SCAMP2: variants seen among roughly 807,000 people sequenced by gnomAD.
The protein encoded by SCAMP2 is secretory carrier-associated membrane protein 2.
SCAMP2 carries 25 observed loss-of-function variants against 44.1 expected under a neutral mutation model. That is an observed-to-expected ratio of 0.57 (90% CI 0.41 to 0.79). The LOEUF (loss-of-function observed/expected upper bound fraction) is 0.79. Ranked by LOEUF, SCAMP2 falls within the 30% of genes least tolerant of loss-of-function variation. The probability of loss-of-function intolerance (pLI) is 0.00; values close to 1 mark genes in which losing one functional copy is unlikely to be tolerated. For synonymous variants in SCAMP2, 156 were observed against 166.0 expected (o/e 0.94, Z 0.46); for missense variants, 355 against 411.0 (o/e 0.86, Z 1.18).
chr15:74,865,206 C>G (rs2064534090), intron 1 of SCAMP2, among the ~76,000 whole-genome samples: 1 of 150,380 alleles, frequency 6.6e-6, no homozygotes, highest in South Asian at 2.1e-4. Context: ...CATAGTGAAA[C>G]CCCATCTCTA....
At position 74,844,991 on chromosome 15, in the gene SCAMP2, T is replaced by G; in HGVS notation, c.*92A>C. The G allele has an allele frequency of 6.9e-7, 1 of 1,455,332 alleles. No homozygotes were observed. The highest frequency in any genetic ancestry group is 9.4e-7 in the Non-Finnish European group (1 of 1,063,302). The allele number at this position is 1,455,332 out of a possible 1,614,324, so 90.2% of individuals were successfully genotyped here. A position where few individuals can be genotyped will look rare whatever the true frequency, so the allele number is the denominator to read the frequency against. The stretch of plus-strand genomic sequence containing the variant: ...GGCAAGAACCCTGCCAGGTCTGTGC[T>G]GGGCACAACCACCACCACATAAGGC... On this transcript the variant is annotated 3_prime_UTR_variant, in exon 9 of 9. Transcript: ENST00000268099.
rs746501350 is a variant in SCAMP2, at chr15:74,852,083, A to G, written c.329T>C (p.Val110Ala). 3.8e-6 allele frequency: 6 copies of G among 1,580,288 alleles called. No homozygotes were observed. Among genetic ancestry groups the G allele is most frequent in the Non-Finnish European group, 5.2e-6 (6 of 1,162,832 alleles). ...GCCTCCCTTACCATGCAAGTTGGCT[A>G]CAGTGTTCTGCAGCTCCCGCTCCTT... ...ERKERELQNT[V>A]ANLHVRQNNW... Residue 110 changes from valine (V) to alanine (A), a missense_variant, in exon 4 of 9, where the codon GTA becomes GCA. Val to Ala is a moderately conservative substitution (Grantham distance 64, BLOSUM62 0). Coordinates refer to ENST00000268099, the MANE Select transcript of SCAMP2 (RefSeq NM_005697.5).
chr15:74,849,405 G>A lies in SCAMP2; in HGVS notation c.633-704C>T, dbSNP rs377308198. ...GGAGGTTGCAGTGAGCCGAGACTGC[G>A]CCATTGCACTCCAGCCTGGGTAACA... On this transcript the variant is annotated intron_variant, in intron 6 of 8. Coordinates refer to ENST00000268099, the MANE Select transcript of SCAMP2 (RefSeq NM_005697.5). Among the ~76,000 whole-genome samples, 13 of 148,978 alleles carry A rather than the reference G, an allele frequency of 8.7e-5. No individual in the cohort carries two copies. The East Asian group carries it at 1.2e-3, about 14-fold the overall frequency.
At chr15:74,862,853 T>TACACACACACAC (rs112611741) in intron 1 of SCAMP2, among the ~76,000 whole-genome samples, 51 of 87,506 alleles carry the variant, frequency 5.8e-4, no homozygotes, top group South Asian at 7.5e-4. Flanking sequence ...AAACAAACCA[T>TACACACACACAC]ACACACACAC....
intron 3 of SCAMP2, chr15:74,852,772 G>A (rs987628728): frequency 2.6e-5 from 4 of 153,056 alleles, no homozygotes; most frequent in African/African-American, 9.6e-5. Context: ...TACACCCCAG[G>A]ACAGCCCCTT....
At chr15:74,847,428 A>G (rs1025809284) in intron 7 of SCAMP2, among the ~76,000 whole-genome samples, 5 of 152,198 alleles carry the variant, frequency 3.3e-5, no homozygotes, top group Admixed American at 2.0e-4. Context: ...ACAGGTGCAA[A>G]CGGCAGTCAT....
Position 74,844,769 on chromosome 15 carries a change from ACTGTGTGGGGGTGT to A in SCAMP2, c.*300_*313del. The A allele has an allele frequency of 8.2e-6, 2 of 242,592 alleles. No individual in the cohort carries two copies. 15.0% of individuals were successfully genotyped at this position (242,592 alleles called of 1,614,324 possible). A position where few individuals can be genotyped will look rare whatever the true frequency, so the allele number is the denominator to read the frequency against. On this transcript the variant is annotated 3_prime_UTR_variant, in exon 9 of 9. Transcript: ENST00000268099. The stretch of plus-strand genomic sequence containing the variant: ...GGGCCCAGGTCAGCCTGTGATCCCA[ACTGTGTGGGGGTGT>A]CTGTGTGTGCACAGGACGAAGAGAA...
intron 1 of SCAMP2, among the ~76,000 whole-genome samples, 181 bp from the exon 2 acceptor site, chr15:74,854,830 C>T (rs1373123389): frequency 6.6e-6 from 1 of 152,132 alleles, no homozygotes; most frequent in African/African-American, 2.4e-5. Flanking sequence ...TCCCTTCTCC[C>T]TTCCCCCTTC....
At chr15:74,857,583 T>C (rs1342244554) in intron 1 of SCAMP2, among the ~76,000 whole-genome samples, 1 of 152,112 alleles carries the variant, frequency 6.6e-6, no homozygotes, top group Admixed American at 6.6e-5. Flanking sequence ...CAAACAGACA[T>C]CTGGCCAAGG....
chr15:74,858,449 G>A (rs1007440099), intron 1 of SCAMP2, among the ~76,000 whole-genome samples: 2 of 152,066 alleles, frequency 1.3e-5, no homozygotes, highest in African/African-American at 2.4e-5. Context: ...GGCTCAGCTC[G>A]GGACCCTGGC....
intron 1 of SCAMP2, among the ~76,000 whole-genome samples, chr15:74,864,879 A>C (rs1354170337): frequency 7.1e-6 from 1 of 141,238 alleles, no homozygotes; most frequent in Non-Finnish European, 1.6e-5. Context: ...TAGAGGTCAG[A>C]AGTTTGAGAC....
chr15:74,847,141 G>C (rs570195964), intron 7 of SCAMP2, among the ~76,000 whole-genome samples: 1 of 135,250 alleles, frequency 7.4e-6, no homozygotes, highest in Admixed American at 9.2e-5. Context: ...GCCCAGGCTG[G>C]AGAACAGTGG....
chr15:74,855,769 T>C (rs1414213579), intron 1 of SCAMP2, among the ~76,000 whole-genome samples: 2 of 150,956 alleles, frequency 1.3e-5, no homozygotes, highest in Non-Finnish European at 2.9e-5. Flanking sequence ...AAAAACATGC[T>C]GCTGGCTGCC....
chr15:74,862,830 A>C (rs1189573654), intron 1 of SCAMP2, among the ~76,000 whole-genome samples: 4 of 142,648 alleles, frequency 2.8e-5, no homozygotes, highest in East Asian at 4.1e-4. Flanking sequence ...TCAAAAAAAA[A>C]AAAAAAAACA....
intron 1 of SCAMP2, among the ~76,000 whole-genome samples, chr15:74,862,720 G>T (rs1443436033): frequency 6.6e-6 from 1 of 151,370 alleles, no homozygotes; most frequent in Non-Finnish European, 1.5e-5. Context: ...TACTTGGGAG[G>T]CTGAGGCAGG....
Position 74,852,199 on chromosome 15 carries a change from G to A in SCAMP2, c.226-13C>T. The stretch of plus-strand genomic sequence containing the variant: ...CAGACACCACGGCCTGGAGAGAACA[G>A]GGGAGGTACAGGGACAGCCAGACAC... On this transcript the variant is annotated splice_polypyrimidine_tract_variant and intron_variant, in intron 3 of 8. Coordinates refer to ENST00000268099, the MANE Select transcript of SCAMP2 (RefSeq NM_005697.5). 3 of 1,485,996 alleles carry A rather than the reference G, an allele frequency of 2.0e-6. No homozygotes were observed. The South Asian group carries it at 4.0e-5, about 20-fold the overall frequency. 92.1% of individuals were successfully genotyped at this position (1,485,996 alleles called of 1,614,324 possible).
intron 1 of SCAMP2, among the ~76,000 whole-genome samples, chr15:74,860,616 G>A (rs989275709): frequency 4.0e-5 from 6 of 151,012 alleles, no homozygotes; most frequent in African/African-American, 1.5e-4. Flanking sequence ...TGAACTGGGA[G>A]GCGGAGGTTG....
intron 3 of SCAMP2, chr15:74,853,324 C>G (rs2064447215): frequency 2.3e-6 from 1 of 441,524 alleles, no homozygotes; most frequent in Non-Finnish European, 4.6e-6. Flanking sequence ...GGGGCAGGCT[C>G]CGGGTGCCCT....
chr15:74,855,115 T>C (rs981373962), intron 1 of SCAMP2, among the ~76,000 whole-genome samples: 4 of 152,010 alleles, frequency 2.6e-5, no homozygotes, highest in Admixed American at 1.3e-4. Context: ...TATTTTTTTA[T>C]TTTTTCGAGA....
Sources: allele counts gnomAD v4.1 joint callset (sites outside exome capture counted in the v4.1 genomes callset), GRCh38; gene constraint gnomAD v4.1.1; transcripts MANE v1.5; gene names NCBI Gene and HGNC (gene_info 2026-07-23, HGNC 2026-07-21).